The following HTR4 variants were observed in gnomAD, a reference collection of about 807,000 sequenced individuals.
HTR4 encodes the protein 5-hydroxytryptamine (serotonin) receptor 4, G protein-coupled.
HTR4 carries 16 observed loss-of-function variants against 36.8 expected under a neutral mutation model. That is an observed-to-expected ratio of 0.43 (90% CI 0.29 to 0.66). The LOEUF is 0.66. Ranked by LOEUF, HTR4 falls within the 30% of genes least tolerant of loss-of-function variation. The pLI is 0.13. For synonymous variants in HTR4, 189 were observed against 185.1 expected (o/e 1.02, Z -0.17); for missense variants, 438 against 490.9 (o/e 0.89, Z 1.02).
At chr5:148,500,080 C>T (rs1259362441) in intron 6 of HTR4, among the ~76,000 whole-genome samples, 4 of 152,124 alleles carry the variant, frequency 2.6e-5, no homozygotes, top group South Asian at 2.1e-4. Context: ...TATAGCAACA[C>T]AAAATGGGCC....
At chr5:148,513,114 T>A (rs898911042) in intron 5 of HTR4, among the ~76,000 whole-genome samples, 2 of 151,944 alleles carry the variant, frequency 1.3e-5, no homozygotes, top group African/African-American at 4.8e-5. Context: ...TCAGCCTCCC[T>A]AGTAGCTGGG....
At chr5:148,633,079 GT>G (rs1753383829) in intron 2 of HTR4, among the ~76,000 whole-genome samples, 1 of 152,090 alleles carries the variant, frequency 6.6e-6, no homozygotes, top group Non-Finnish European at 1.5e-5. Context: ...AACAGATCAG[GT>G]GGGTGTCAGA....
intron 6 of HTR4, among the ~76,000 whole-genome samples, chr5:148,507,156 A>T: frequency 6.6e-6 from 1 of 152,114 alleles, no homozygotes; most frequent in Non-Finnish European, 1.5e-5. Flanking sequence ...AGGATTAAGA[A>T]AATGTGGCAC....
At chr5:148,548,555 A>C in intron 4 of HTR4, 113 bp downstream of exon 4, 1 of 903,040 alleles carries the variant, frequency 1.1e-6, no homozygotes, top group South Asian at 1.6e-5. Flanking sequence ...TATCAAATTT[A>C]CCTCTCTGAG....
At position 148,654,167 on chromosome 5, in the gene HTR4, G is replaced by C; in HGVS notation, c.-153C>G. The C allele has an allele frequency of 1.0e-6, 1 of 985,586 alleles. No homozygotes were observed. The allele number at this position is 985,586 out of a possible 1,614,324, so 61.1% of individuals were successfully genotyped here. On this transcript the variant is annotated 5_prime_UTR_variant, in exon 1 of 7. Transcript: ENST00000377888. ...CGCCGCTGCCGCTGCGCTCCCAGCC[G>C]CTGCCTGCGCCCTCCCTGCCGCCCC...
At chr5:148,519,352 C>A (rs760751543) in intron 5 of HTR4, among the ~76,000 whole-genome samples, 6 of 152,136 alleles carry the variant, frequency 3.9e-5, no homozygotes, top group Non-Finnish European at 7.4e-5. Flanking sequence ...AACAACCCTG[C>A]ATTGGGTTGG....
chr5:148,465,961 G>T, intron 5 of HTR4: 1 of 1,599,778 alleles, frequency 6.3e-7, no homozygotes, highest in South Asian at 1.1e-5. Context: ...ACAGATGAGG[G>T]AGAGCCAAGC....
At chr5:148,588,527 CTTTTTTTT>C (rs35749777) in intron 2 of HTR4, among the ~76,000 whole-genome samples, 19 of 110,136 alleles carry the variant, frequency 1.7e-4, no homozygotes, top group Admixed American at 1.1e-3. Context: ...GGTTTTAATT[CTTTTTTTT>C]TTTTTTTTTT....
At chr5:148,468,617 C>T (rs547462768) in intron 5 of HTR4, among the ~76,000 whole-genome samples, 3 of 152,268 alleles carry the variant, frequency 2.0e-5, no homozygotes, top group Non-Finnish European at 2.9e-5. Flanking sequence ...TTACTTCCAT[C>T]GTTGGAAGCA....
chr5:148,511,384 T>C (rs1165202857), intron 5 of HTR4, among the ~76,000 whole-genome samples: 1 of 152,160 alleles, frequency 6.6e-6, no homozygotes, highest in Admixed American at 6.5e-5. Flanking sequence ...TGTAATTTTA[T>C]TTGTTTTCCA....
chr5:148,549,333 C>A (rs910043137), intron 3 of HTR4, among the ~76,000 whole-genome samples: 1 of 152,200 alleles, frequency 6.6e-6, no homozygotes, highest in Non-Finnish European at 1.5e-5. Flanking sequence ...TTTACACTAG[C>A]AGACTGGCTA....
chr5:148,578,024 T>C lies in HTR4; in HGVS notation c.27-27762A>G, dbSNP rs114683023. ...TAAAAAGGCAAGTTGTCAAATGATA[T>C]ATGAAGTATGTTATTTATATAAAAT... On this transcript the variant is annotated intron_variant, in intron 2 of 6. Coordinates refer to ENST00000377888, the MANE Select transcript of HTR4 (RefSeq NM_000870.7). Among the ~76,000 whole-genome samples the C allele has an allele frequency of 6.9e-3, 1,043 of 152,096 alleles. 11 individuals carry two copies. The highest frequency in any genetic ancestry group is 0.024 in the African/African-American group (1,002 of 41,514).
chr5:148,570,323 A>G (rs1760622963), intron 2 of HTR4, among the ~76,000 whole-genome samples: 1 of 152,144 alleles, frequency 6.6e-6, no homozygotes, highest in South Asian at 2.1e-4. Flanking sequence ...CCCTTCCCTC[A>G]GGGAGCTCAG....
At chr5:148,592,685 A>T (rs1761620115) in intron 2 of HTR4, among the ~76,000 whole-genome samples, 1 of 152,076 alleles carries the variant, frequency 6.6e-6, no homozygotes, top group South Asian at 2.1e-4. Flanking sequence ...TATTCTGAAA[A>T]AATTCCAGCC....
chr5:148,628,778 CA>C (rs1184246320), intron 2 of HTR4: 1 of 152,154 alleles, frequency 6.6e-6, no homozygotes, highest in East Asian at 1.9e-4. Context: ...GGCAAGGCTC[CA>C]AATTATAGAA....
chr5:148,648,673 C>A (rs1438073286), intron 1 of HTR4, among the ~76,000 whole-genome samples: 1 of 152,184 alleles, frequency 6.6e-6, no homozygotes, highest in Admixed American at 6.5e-5. Context: ...ATCCACTACA[C>A]CACTTGCCAT....
At chr5:148,463,427 A>G (rs965831698) in intron 5 of HTR4, among the ~76,000 whole-genome samples, 16 of 151,606 alleles carry the variant, frequency 1.1e-4, no homozygotes, top group Admixed American at 9.9e-4. Context: ...TGATCCACCC[A>G]GCTCGACCTC....
chr5:148,486,866 G>A (rs1277603394), intron 6 of HTR4, among the ~76,000 whole-genome samples: 3 of 152,150 alleles, frequency 2.0e-5, no homozygotes, highest in Non-Finnish European at 4.4e-5. Context: ...ATTTGGGTAG[G>A]ATAGGATAGG....
chr5:148,648,164 A>G (rs997210241), intron 1 of HTR4, among the ~76,000 whole-genome samples: 15 of 152,142 alleles, frequency 9.9e-5, no homozygotes, highest in African/African-American at 3.6e-4. Flanking sequence ...TTTCATAATA[A>G]AATACTGGAA....
Sources: gnomAD v4.1 joint callset for allele counts (sites outside exome capture counted in the v4.1 genomes callset) on GRCh38, gnomAD v4.1.1 for gene constraint, MANE v1.5 for transcripts, NCBI Gene and HGNC (gene_info 2026-07-23, HGNC 2026-07-21) for gene names.